SCN9A: variants seen among roughly 807,000 people sequenced by gnomAD.
SCN9A encodes sodium voltage-gated channel alpha subunit 9.
In SCN9A, 131 loss-of-function variants were observed where a neutral mutation model predicts 187.0. That is an observed-to-expected ratio of 0.70 (90% confidence interval 0.61 to 0.81). The LOEUF (loss-of-function observed/expected upper bound fraction) is 0.81. Among genes scored for constraint, SCN9A ranks in the 30% least tolerant of loss-of-function variants. SCN9A has a pLI of 0.00. For synonymous variants in SCN9A, 809 were observed against 808.6 expected (o/e 1.00, Z -0.01); for missense variants, 2,252 against 2,396.6 (o/e 0.94, Z 1.26).
chr2:166,349,998 AAAAAAT>A, intron 1 of SCN9A, among the ~76,000 whole-genome samples: 1 of 86,384 alleles, frequency 1.2e-5, no homozygotes, highest in African/African-American at 6.1e-5. Flanking sequence ...AATAAAAAAT[AAAAAAT>A]AAAATAAAAT....
chr2:166,200,351 A>G (rs1032398862), intron 26 of SCN9A, among the ~76,000 whole-genome samples: 1 of 152,158 alleles, frequency 6.6e-6, no homozygotes, highest in African/African-American at 2.4e-5. Flanking sequence ...AAGAAATTCC[A>G]AAGAGAAATG....
rs77285024 is a variant in SCN9A at position 166,300,320 on chromosome 2, T to A, written c.901+2770A>T. ...ATACCCTCCCTTTATTCAGGACCTT[T>A]GCCCATGCTATTTCTCCTAATTGAA... On this transcript the variant is annotated intron_variant, in intron 7 of 26. Coordinates refer to ENST00000642356, the MANE Select transcript of SCN9A (RefSeq NM_001365536.1). 1.4e-3 allele frequency among the ~76,000 whole-genome samples: 215 copies of A among 150,832 alleles called. 12 individuals are homozygous for A. The highest frequency in any genetic ancestry group is 4.4e-3 in the African/African-American group (177 of 40,176).
chr2:166,311,235 C>T (rs1207711209), intron 2 of SCN9A, among the ~76,000 whole-genome samples: 1 of 130,918 alleles, frequency 7.6e-6, no homozygotes, highest in Non-Finnish European at 1.6e-5. Context: ...TACCCTAAAA[C>T]TTAAAGTATA....
chr2:166,258,728 A>C (rs1485622934), intron 17 of SCN9A, among the ~76,000 whole-genome samples: 1 of 151,644 alleles, frequency 6.6e-6, no homozygotes, highest in East Asian at 1.9e-4. Context: ...ACAAAGCTAG[A>C]ATTACAATGA....
At chr2:166,233,021 A>G (rs1258076477) in intron 21 of SCN9A, among the ~76,000 whole-genome samples, 1 of 147,362 alleles carries the variant, frequency 6.8e-6, no homozygotes, top group Non-Finnish European at 1.5e-5. Context: ...TAGTATATAT[A>G]ATATGCATAT....
At chr2:166,349,997 T>TAAA (rs150785198) in intron 1 of SCN9A, among the ~76,000 whole-genome samples, 7 of 149,526 alleles carry the variant, frequency 4.7e-5, no homozygotes, top group East Asian at 1.9e-4. Flanking sequence ...AAATAAAAAA[T>TAAA]AAAAAATAAA....
chr2:166,250,846 G>A (rs1455131562), intron 18 of SCN9A, among the ~76,000 whole-genome samples: 1 of 152,028 alleles, frequency 6.6e-6, no homozygotes, highest in Non-Finnish European at 1.5e-5. Flanking sequence ...AAGGGCTTGG[G>A]CCCTATCTCC....
chr2:166,332,231 C>G (rs988024283), intron 1 of SCN9A, among the ~76,000 whole-genome samples: 1 of 152,116 alleles, frequency 6.6e-6, no homozygotes, highest in Non-Finnish European at 1.5e-5. Flanking sequence ...AGTAGTCTAG[C>G]CAGCTGGGTC....
intron 11 of SCN9A, among the ~76,000 whole-genome samples, chr2:166,285,575 A>G (rs967165595): frequency 6.6e-6 from 1 of 152,128 alleles, no homozygotes; most frequent in Non-Finnish European, 1.5e-5. Context: ...CTGTATCATC[A>G]CCTAGGTTCA....
intron 17 of SCN9A, among the ~76,000 whole-genome samples, chr2:166,262,782 G>GA (rs1431449329): frequency 6.6e-6 from 1 of 151,928 alleles, no homozygotes; most frequent in Non-Finnish European, 1.5e-5. Context: ...TCACAAAGAC[G>GA]AAAATTATAT....
At chr2:166,351,776 T>TC (rs1421886981) in intron 1 of SCN9A, among the ~76,000 whole-genome samples, 5 of 152,062 alleles carry the variant, frequency 3.3e-5, no homozygotes, top group Admixed American at 6.5e-5. Flanking sequence ...AGATTTTTTT[T>TC]CCCCAAATTC....
chr2:166,288,704 A>G, intron 9 of SCN9A, 61 bp from the exon 10 acceptor site: 1 of 1,311,098 alleles, frequency 7.6e-7, no homozygotes, highest in Non-Finnish European at 1.0e-6. Context: ...AATTATTTCA[A>G]TTTGACAGGC....
Position 166,306,601 on chromosome 2 carries a change from T to C in SCN9A, c.378-2A>G, listed in dbSNP as rs1698767015. On this transcript the variant is annotated splice_acceptor_variant, in intron 3 of 26. Transcript: ENST00000642356. LOFTEE classifies it high-confidence loss of function. Reference sequence around the variant, plus strand: ...CACATGATGAGCATGCTGAATAAGGTAGCTTAGAATCAAGGAACAAAAGAG... The same window carrying C: ...CACATGATGAGCATGCTGAATAAGGCAGCTTAGAATCAAGGAACAAAAGAG... The C allele has an allele frequency of 6.4e-7, 1 of 1,557,760 alleles. No individual in the cohort carries two copies. Among genetic ancestry groups the C allele is most frequent in the Non-Finnish European group, 8.7e-7 (1 of 1,143,948 alleles).
chr2:166,291,143 C>CCCTG (rs1698049294), intron 9 of SCN9A, among the ~76,000 whole-genome samples: 1 of 151,920 alleles, frequency 6.6e-6, no homozygotes, highest in Non-Finnish European at 1.5e-5. Context: ...GTCAAATTGT[C>CCCTG]TCTGCAAATG....
At chr2:166,356,341 T>C (rs765643844) in intron 1 of SCN9A, among the ~76,000 whole-genome samples, 1 of 152,218 alleles carries the variant, frequency 6.6e-6, no homozygotes, top group Non-Finnish European at 1.5e-5. Flanking sequence ...AAAACATTCA[T>C]TCATTCATTC....
At chr2:166,338,191 T>C (rs1699674976) in intron 1 of SCN9A, among the ~76,000 whole-genome samples, 1 of 151,780 alleles carries the variant, frequency 6.6e-6, no homozygotes, top group Non-Finnish European at 1.5e-5. Flanking sequence ...GTTGTGGGAG[T>C]TGCCCTGCTT....
In SCN9A at chr2:166,238,055, G is replaced by A. The variant is rs1365689576; in HGVS notation, c.3801+39C>T. 4 of 1,490,228 alleles carry A rather than the reference G, an allele frequency of 2.7e-6. No individual in the cohort carries two copies. The East Asian group carries it at 9.3e-5, about 35-fold the overall frequency. The allele number at this position is 1,490,228 out of a possible 1,614,324, so 92.3% of individuals were successfully genotyped here. A position where few individuals can be genotyped will look rare whatever the true frequency, so the allele number is the denominator to read the frequency against. ...AAGGTTTTTTCACAACACACAGTAAGAATAAATCCTCTTTTAAAATGTACT... is the reference window on the plus strand; with the variant it reads ...AAGGTTTTTTCACAACACACAGTAAAAATAAATCCTCTTTTAAAATGTACT... On this transcript the variant is annotated intron_variant, in intron 20 of 26. Coordinates refer to ENST00000642356, the MANE Select transcript of SCN9A (RefSeq NM_001365536.1).
chr2:166,289,450 T>C (rs1425077188), intron 9 of SCN9A, among the ~76,000 whole-genome samples: 2 of 152,168 alleles, frequency 1.3e-5, no homozygotes, highest in South Asian at 2.1e-4. Flanking sequence ...TTTCTGTTCC[T>C]GTTTTAGTTT....
intron 24 of SCN9A, among the ~76,000 whole-genome samples, chr2:166,217,422 G>C (rs564519347): frequency 2.6e-5 from 4 of 152,016 alleles, no homozygotes; most frequent in African/African-American, 9.6e-5. Context: ...TGGAGAGAGA[G>C]ATCATGGATT....
Sources: gnomAD v4.1 joint callset for allele counts (sites outside exome capture counted in the v4.1 genomes callset) on GRCh38, gnomAD v4.1.1 for gene constraint, MANE v1.5 for transcripts, NCBI Gene and HGNC (gene_info 2026-07-23, HGNC 2026-07-21) for gene names.